The following GPR158 variants were observed in gnomAD, a reference collection of about 807,000 sequenced individuals.
GPR158 encodes G protein-coupled receptor 158.
A neutral mutation model predicts 78.2 loss-of-function variants in GPR158; 30 were observed. That is an observed-to-expected ratio of 0.38 (90% CI 0.29 to 0.52). The LOEUF (loss-of-function observed/expected upper bound fraction) is 0.52. GPR158 is among the 20% of genes least tolerant of loss of function. The probability of loss-of-function intolerance (pLI) is 0.83; values close to 1 mark genes in which losing one functional copy is unlikely to be tolerated. For missense variants in GPR158, 1,463 were observed against 1,523.5 expected, an observed-to-expected ratio of 0.96 and a Z score of 0.66; for synonymous variants, 581 against 591.1, an observed-to-expected ratio of 0.98 and a Z score of 0.25.
At chr10:25,381,998 G>C (rs1223190276) in intron 2 of GPR158, among the ~76,000 whole-genome samples, 7 of 152,122 alleles carry the variant, frequency 4.6e-5, no homozygotes, top group Admixed American at 1.3e-4. Flanking sequence ...AACAGGGTTC[G>C]GTAAGCAAGA....
chr10:25,476,529 CA>C (rs67870704), intron 5 of GPR158, among the ~76,000 whole-genome samples: 103,994 of 151,802 alleles, frequency 0.69, 36,057 homozygotes, highest in East Asian at 0.99. Flanking sequence ...AGAAGAATTG[CA>C]AAAGTATTAG....
intron 2 of GPR158, among the ~76,000 whole-genome samples, chr10:25,372,624 C>T (rs1216316959): frequency 9.0e-5 from 13 of 144,230 alleles, no homozygotes; most frequent in Non-Finnish European, 1.1e-4. Flanking sequence ...AACCAAACAC[C>T]GCATATTCTC....
At chr10:25,468,535 C>T (rs189972358) in intron 5 of GPR158, among the ~76,000 whole-genome samples, 13 of 152,230 alleles carry the variant, frequency 8.5e-5, no homozygotes, top group Non-Finnish European at 1.5e-4. Flanking sequence ...AAGTAAGTAT[C>T]GCTTTCCTTC....
chr10:25,373,838 T>C (rs1292721334), intron 2 of GPR158, among the ~76,000 whole-genome samples: 2 of 151,836 alleles, frequency 1.3e-5, no homozygotes, highest in Non-Finnish European at 2.9e-5. Flanking sequence ...GAGTCCCTTT[T>C]AGTCCACTGT....
chr10:25,598,703 A>G lies in GPR158; in HGVS notation c.3077A>G (p.Gln1026Arg), dbSNP rs1238540360. The G allele has an allele frequency of 6.2e-7, 1 of 1,613,892 alleles. No individual in the cohort carries two copies. Among genetic ancestry groups the G allele is most frequent in the African/African-American group, 1.3e-5 (1 of 74,868 alleles). The change falls in exon 11 of 11, where the codon CAA becomes CGA. Residue 1026 changes from glutamine (Q) to arginine (R), a missense_variant. Transcript: ENST00000376351. Reference protein sequence around the residue: ...PGPVPSESKVQKHVSIVASEM... With the variant: ...PGPVPSESKVRKHVSIVASEM... ...CCTGTGCCTTCAGAATCAAAAGTTCAAAAGCACGTATCTATTGTGGCTTCT... is the reference window on the plus strand; with the variant it reads ...CCTGTGCCTTCAGAATCAAAAGTTCGAAAGCACGTATCTATTGTGGCTTCT...
intron 1 of GPR158, among the ~76,000 whole-genome samples, chr10:25,207,556 A>G (rs1485593367): frequency 6.6e-6 from 1 of 152,042 alleles, no homozygotes; most frequent in Non-Finnish European, 1.5e-5. Flanking sequence ...GCAGTTCACA[A>G]TAGTGTTTGT....
At chr10:25,411,318 G>T (rs146413719) in intron 3 of GPR158, among the ~76,000 whole-genome samples, 11 of 152,280 alleles carry the variant, frequency 7.2e-5, no homozygotes, top group African/African-American at 2.4e-4. Context: ...ATGATAGCTT[G>T]TAAGTATAGA....
chr10:25,384,676 G>T (rs187513358), intron 2 of GPR158, among the ~76,000 whole-genome samples: 1 of 137,398 alleles, frequency 7.3e-6, no homozygotes, highest in Non-Finnish European at 1.6e-5. Context: ...TATAAATGTG[G>T]TTTTTCGGCA....
intron 5 of GPR158, among the ~76,000 whole-genome samples, chr10:25,549,293 C>G (rs1277532506): frequency 6.6e-6 from 1 of 152,092 alleles, no homozygotes; most frequent in East Asian, 1.9e-4. Flanking sequence ...TTTTCCTCCC[C>G]CTTTTAGCTT....
At chr10:25,332,525 A>G (rs1180470398) in intron 2 of GPR158, among the ~76,000 whole-genome samples, 1 of 152,158 alleles carries the variant, frequency 6.6e-6, no homozygotes, top group African/African-American at 2.4e-5. Flanking sequence ...ACAACTCAAC[A>G]TCTAGGTTTA....
chr10:25,192,545 A>G (rs1002264163), intron 1 of GPR158, among the ~76,000 whole-genome samples: 1 of 152,190 alleles, frequency 6.6e-6, no homozygotes, highest in African/African-American at 2.4e-5. Context: ...AAAGTTATGT[A>G]ACTCTGTGGC....
At chr10:25,553,217 G>A (rs569131703) in intron 6 of GPR158, among the ~76,000 whole-genome samples, 6 of 152,274 alleles carry the variant, frequency 3.9e-5, no homozygotes, top group Non-Finnish European at 7.4e-5. Flanking sequence ...CACAGATACA[G>A]CAGAAATCTT....
intron 1 of GPR158, among the ~76,000 whole-genome samples, chr10:25,203,593 G>T (rs192321031): frequency 6.8e-6 from 1 of 146,100 alleles, no homozygotes; most frequent in African/African-American, 2.6e-5. Flanking sequence ...TGAGGGCTCT[G>T]TTCTGTTCCA....
chr10:25,245,356 G>A (rs1387598220), intron 2 of GPR158, among the ~76,000 whole-genome samples: 6 of 152,166 alleles, frequency 3.9e-5, no homozygotes, highest in African/African-American at 1.4e-4. Flanking sequence ...TAGGATCATG[G>A]GATATGATTA....
intron 5 of GPR158, among the ~76,000 whole-genome samples, chr10:25,495,239 G>C (rs1187708125): frequency 2.0e-5 from 3 of 148,762 alleles, no homozygotes; most frequent in Non-Finnish European, 3.0e-5. Flanking sequence ...AAAATTCGTG[G>C]ATAACTCCAT....
At chr10:25,284,389 T>C (rs1009943768) in intron 2 of GPR158, among the ~76,000 whole-genome samples, 1 of 152,074 alleles carries the variant, frequency 6.6e-6, no homozygotes, top group Non-Finnish European at 1.5e-5. Context: ...TCTTTATGTA[T>C]GGTATTGTTC....
rs200736690 is a variant in GPR158, at chr10:25,351,438, GT to G, written c.1009-44472del. ...GGGAACTGGAGTTGGGGGTGGGGGG[GT>G]GCTGGAAATGCCTATCCTGGGATAT... On this transcript the variant is annotated intron_variant, in intron 2 of 10. Transcript: ENST00000376351. Among the ~76,000 whole-genome samples, 73 of 149,850 alleles carry G rather than the reference GT, an allele frequency of 4.9e-4. 1 individual carries two copies. The highest frequency in any genetic ancestry group is 3.4e-3 in the Middle Eastern group (1 of 294).
intron 5 of GPR158, among the ~76,000 whole-genome samples, chr10:25,503,033 GA>G (rs1200845822): frequency 1.5e-4 from 23 of 152,252 alleles, no homozygotes; most frequent in African/African-American, 5.1e-4. Context: ...CTGAAATCAT[GA>G]GTGTAACTTT....
chr10:25,370,382 G>T (rs1308964144), intron 2 of GPR158, among the ~76,000 whole-genome samples: 1 of 112,504 alleles, frequency 8.9e-6, no homozygotes, highest in East Asian at 2.0e-4. Context: ...TGTTCTCGTT[G>T]GTTTCAAAGA....
Sources: gnomAD v4.1 joint callset for allele counts (sites outside exome capture counted in the v4.1 genomes callset) on GRCh38, gnomAD v4.1.1 for gene constraint, MANE v1.5 for transcripts, NCBI Gene and HGNC (gene_info 2026-07-23, HGNC 2026-07-21) for gene names.